Variants in TENM1 observed in about 807,000 individuals in gnomAD.
The protein encoded by TENM1 is teneurin-1.
Under a neutral mutation model 174.8 loss-of-function variants are expected in TENM1, and 35 were observed. That is an observed-to-expected ratio of 0.20 (90% CI 0.15 to 0.27). The LOEUF (loss-of-function observed/expected upper bound fraction) is 0.27, where lower values mean the gene tolerates loss of function less well. Among genes scored for constraint, TENM1 ranks in the 10% least tolerant of loss-of-function variants. The pLI, the probability that TENM1 is intolerant of heterozygous loss-of-function variation, is 1.00. For missense variants in TENM1, 1,633 were observed against 2,130.1 expected (o/e 0.77, Z 4.59); for synonymous variants, 781 against 798.7 (o/e 0.98, Z 0.37).
At chrX:124,783,218 T>C in intron 3 of TENM1, among the ~76,000 whole-genome samples, 1 of 111,967 alleles carries the variant, frequency 8.9e-6, no homozygotes, top group East Asian at 2.8e-4. Context: ...AAGATACCTA[T>C]GATATATTGT....
At chrX:124,663,292 T>C (rs1164244583) in intron 6 of TENM1, among the ~76,000 whole-genome samples, 1 of 111,697 alleles carries the variant, frequency 9.0e-6, no homozygotes, top group Non-Finnish European at 1.9e-5. Context: ...ATTAGACATG[T>C]GTAGGCTAAA....
At chrX:125,001,890 GCTCT>G in the TENM1 span, among the ~76,000 whole-genome samples, 24 of 52,135 alleles carry the variant, frequency 4.6e-4, no homozygotes, top group East Asian at 6.3e-4. Flanking sequence ...CACACACACA[GCTCT>G]CTCTACCTCC....
At chrX:124,940,134 GTCAA>G (rs1489482856) in intron 1 of TENM1, among the ~76,000 whole-genome samples, 6 of 111,658 alleles carry the variant, frequency 5.4e-5, no homozygotes, top group African/African-American at 2.0e-4. Context: ...CCTAAGCTTT[GTCAA>G]TCAAAGTACA....
chrX:124,516,370 G>A (rs1012680417), intron 18 of TENM1, among the ~76,000 whole-genome samples: 2 of 111,988 alleles, frequency 1.8e-5, no homozygotes, highest in African/African-American at 6.5e-5. Context: ...CAAAATTTAA[G>A]AGCTTATGCA....
At chrX:124,507,307 C>G (rs1411949710) in intron 18 of TENM1, among the ~76,000 whole-genome samples, 1 of 110,824 alleles carries the variant, frequency 9.0e-6, no homozygotes, top group Non-Finnish European at 1.9e-5. Context: ...TTTCTCTGAG[C>G]CATGTGATCA....
the TENM1 span, among the ~76,000 whole-genome samples, chrX:125,012,539 TCAAAC>T: frequency 8.9e-6 from 1 of 111,953 alleles, no homozygotes; most frequent in Non-Finnish European, 1.9e-5. Flanking sequence ...AATAATTTAA[TCAAAC>T]CACCATACCC....
intron 1 of TENM1, among the ~76,000 whole-genome samples, chrX:124,961,466 A>AC (rs1398880257): frequency 9.0e-6 from 1 of 110,529 alleles, no homozygotes; most frequent in East Asian, 2.9e-4. Flanking sequence ...ATATGGTGAA[A>AC]CCCCATCTCT....
At chrX:124,856,747 G>T (rs1337126960) in intron 3 of TENM1, among the ~76,000 whole-genome samples, 1 of 111,018 alleles carries the variant, frequency 9.0e-6, no homozygotes, top group African/African-American at 3.3e-5. Context: ...AATGTGTTCT[G>T]GTCTCTCTCC....
chrX:124,383,765 G>C, exon 30 of TENM1: 1 of 1,210,953 alleles, frequency 8.3e-7, no homozygotes, highest in Non-Finnish European at 1.1e-6. Flanking sequence ...CCATCTGCCA[G>C]CAACAACATC....
At chrX:125,093,392 T>C in the TENM1 span, among the ~76,000 whole-genome samples, 2 of 111,723 alleles carry the variant, frequency 1.8e-5, no homozygotes, top group African/African-American at 6.5e-5. Context: ...TTCACATAAA[T>C]GTAAAGTATC....
chrX:124,747,194 A>G (rs2053941195), intron 3 of TENM1, among the ~76,000 whole-genome samples: 1 of 108,685 alleles, frequency 9.2e-6, no homozygotes, highest in Non-Finnish European at 1.9e-5. Context: ...ATTAAAAAAA[A>G]TAAAAACGCA....
intron 11 of TENM1, among the ~76,000 whole-genome samples, chrX:124,608,154 T>A (rs1007985894): frequency 9.0e-6 from 1 of 111,553 alleles, no homozygotes; most frequent in Non-Finnish European, 1.9e-5. Flanking sequence ...ATTTTATTAG[T>A]AAAGTGCTCT....
the TENM1 span, among the ~76,000 whole-genome samples, chrX:125,142,133 T>C: frequency 3.6e-5 from 4 of 112,183 alleles, no homozygotes; most frequent in African/African-American, 1.3e-4. Flanking sequence ...GCTATGCAAC[T>C]TGGCTTTCAA....
chrX:124,989,781 T>TA, the TENM1 span, among the ~76,000 whole-genome samples: 1 of 111,106 alleles, frequency 9.0e-6, no homozygotes, highest in Admixed American at 9.6e-5. Context: ...ACATATGAGA[T>TA]ATATTTATTT....
At chrX:124,416,400 C>T (rs1482060336) in intron 25 of TENM1, among the ~76,000 whole-genome samples, 1 of 111,986 alleles carries the variant, frequency 8.9e-6, no homozygotes, top group Non-Finnish European at 1.9e-5. Context: ...GAGGTTCATC[C>T]ACATTGTAGT....
intron 3 of TENM1, among the ~76,000 whole-genome samples, chrX:124,757,663 T>C (rs2054298348): frequency 8.9e-6 from 1 of 112,246 alleles, no homozygotes; most frequent in Non-Finnish European, 1.9e-5. Flanking sequence ...TTCTAATGGT[T>C]GGCTGTATTA....
At chrX:124,983,870 C>T in the TENM1 span, among the ~76,000 whole-genome samples, 52 of 110,962 alleles carry the variant, frequency 4.7e-4, 1 homozygote, top group Middle Eastern at 8.4e-3. Flanking sequence ...GATCTGCCTG[C>T]CTCCGCCTCC....
At chrX:124,589,112 A>G (rs2049654197) in intron 11 of TENM1, among the ~76,000 whole-genome samples, 1 of 101,405 alleles carries the variant, frequency 9.9e-6, no homozygotes, top group Non-Finnish European at 2.0e-5. Context: ...TTTTTTTATC[A>G]TGAAGGTATT....
At chrX:125,121,560 A>G in the TENM1 span, among the ~76,000 whole-genome samples, 1 of 111,867 alleles carries the variant, frequency 8.9e-6, no homozygotes, top group Admixed American at 9.5e-5. Context: ...TGATTTTTCA[A>G]ATCTCGTAAG....
Sources: gnomAD v4.1 joint callset for allele counts (sites outside exome capture counted in the v4.1 genomes callset) on GRCh38, gnomAD v4.1.1 for gene constraint, MANE v1.5 for transcripts, NCBI Gene and HGNC (gene_info 2026-07-23, HGNC 2026-07-21) for gene names.